ERICH1: variants seen among roughly 807,000 people sequenced by gnomAD.
The protein encoded by ERICH1 is glutamate rich 1.
ERICH1 carries 56 observed loss-of-function variants against 39.6 expected under a neutral mutation model. That is an observed-to-expected ratio of 1.41 (90% CI 1.14 to 1.77). The LOEUF is 1.77. Ranked by LOEUF, ERICH1 falls within the 40% of genes most tolerant of loss-of-function variation. ERICH1 has a pLI of 0.00. For missense variants in ERICH1, 826 were observed against 575.4 expected, an observed-to-expected ratio of 1.44 and a Z score of -4.45; for synonymous variants, 313 against 223.6, an observed-to-expected ratio of 1.40 and a Z score of -3.57.
chr8:693,649 C>T (rs923501038), intron 2 of ERICH1, among the ~76,000 whole-genome samples: 1 of 150,056 alleles, frequency 6.7e-6, no homozygotes, highest in Non-Finnish European at 1.5e-5. Flanking sequence ...GTCACCACCA[C>T]CGTGGACGGT....
At chr8:657,314 T>C (rs1800784533) in intron 3 of ERICH1, among the ~76,000 whole-genome samples, 1 of 152,120 alleles carries the variant, frequency 6.6e-6, no homozygotes, top group Non-Finnish European at 1.5e-5. Flanking sequence ...GGGAGCTTAT[T>C]GCAGGCTAGG....
At chr8:670,511 C>T (rs948715981) in intron 4 of ERICH1, among the ~76,000 whole-genome samples, 1 of 152,204 alleles carries the variant, frequency 6.6e-6, no homozygotes, top group African/African-American at 2.4e-5. Context: ...CGTGCAGGGA[C>T]TGAGCTGACT....
At chr8:679,897 G>A (rs201631685) in intron 3 of ERICH1, among the ~76,000 whole-genome samples, 18,498 of 49,732 alleles carry the variant, frequency 0.37, 2,120 homozygotes, top group East Asian at 0.56. Flanking sequence ...GAACACAGAA[G>A]ATGCAAGAGA....
At chr8:672,468 C>T (rs887143087) in intron 4 of ERICH1, among the ~76,000 whole-genome samples, 2 of 152,200 alleles carry the variant, frequency 1.3e-5, no homozygotes, top group African/African-American at 4.8e-5. Flanking sequence ...TGATATTTCT[C>T]AATCTTGCTC....
intron 1 of ERICH1, among the ~76,000 whole-genome samples, chr8:719,626 C>G (rs1028604388): frequency 6.6e-6 from 1 of 152,236 alleles, no homozygotes; most frequent in African/African-American, 2.4e-5. Context: ...ATTCTGGCAT[C>G]CGCTGGTGGG....
chr8:615,034 A>T (rs1421900371), exon 4 of ERICH1: 3 of 459,544 alleles, frequency 6.5e-6, no homozygotes, highest in Non-Finnish European at 1.1e-5. Flanking sequence ...CTTGGAGCAG[A>T]CGTGGCTACG....
chr8:706,354 AAAAC>A (rs1813271028), intron 2 of ERICH1, among the ~76,000 whole-genome samples: 1 of 152,234 alleles, frequency 6.6e-6, no homozygotes, highest in African/African-American at 2.4e-5. Flanking sequence ...TTCCCAAAAG[AAAAC>A]AAACAAAAAA....
rs7001007 is a variant in ERICH1, at chr8:664,389, T to C, written c.*214A>G. 3,958 of 1,212,906 alleles carry C rather than the reference T, an allele frequency of 3.3e-3. 107 individuals carry two copies. The African/African-American group carries it at 0.051, about 16-fold the overall frequency. 75.1% of individuals were successfully genotyped at this position (1,212,906 alleles called of 1,614,324 possible). ...AAGTTTTATGTAGTAATTCAAGATA[T>C]ATATAATTGCAAATAAGTGAAAAAT... is the stretch of plus-strand genomic sequence containing the variant. On this transcript the variant is annotated 3_prime_UTR_variant, in exon 6 of 6. Transcript: ENST00000262109.
In ERICH1 at chr8:723,150, C is replaced by G. The variant is rs569192954; in HGVS notation, c.23-7143G>C. ...ACCTCCACCTTCTCCCGCTCTCCCTCCCTCACCATAGGACGCTGGCTCCCC... is the reference window on the plus strand; with the variant it reads ...ACCTCCACCTTCTCCCGCTCTCCCTGCCTCACCATAGGACGCTGGCTCCCC... On this transcript the variant is annotated intron_variant, in intron 1 of 5. Transcript: ENST00000262109. Among the ~76,000 whole-genome samples, 4 of 152,356 alleles carry G rather than the reference C, an allele frequency of 2.6e-5. No homozygotes were observed. The East Asian group carries it at 7.7e-4, about 29-fold the overall frequency.
chr8:669,062 CCTCCCCTGGCCCGTCTACACCT>C (rs1802760085), intron 4 of ERICH1: 1 of 450,442 alleles, frequency 2.2e-6, no homozygotes, highest in African/African-American at 2.0e-5. Context: ...TGGTGAGACG[CCTCCCCTGGCCCGTCTACACCT>C]CTGTCTGGTG....
At chr8:721,204 T>C (rs116078159) in intron 1 of ERICH1, among the ~76,000 whole-genome samples, 3,532 of 152,318 alleles carry the variant, frequency 0.023, 155 homozygotes, top group African/African-American at 0.081. Flanking sequence ...TGCTGACAAA[T>C]AATATGTCTA....
At chr8:715,839 C>T in intron 2 of ERICH1, 22 bp downstream of exon 2, 2 of 1,596,872 alleles carry the variant, frequency 1.3e-6, no homozygotes, top group Non-Finnish European at 1.7e-6. Context: ...TGAGACCCAC[C>T]CACATCTGCA....
chr8:709,292 C>A (rs207468894), intron 2 of ERICH1, among the ~76,000 whole-genome samples: 2 of 152,158 alleles, frequency 1.3e-5, no homozygotes, highest in African/African-American at 4.8e-5. Flanking sequence ...CTTGACAGAC[C>A]AGAGTCTGAA....
chr8:658,912 C>A (rs976128290), intron 3 of ERICH1, among the ~76,000 whole-genome samples: 2 of 152,222 alleles, frequency 1.3e-5, no homozygotes, highest in African/African-American at 2.4e-5. Context: ...ACTTGCTCTG[C>A]GACCCAGGGG....
intron 5 of ERICH1, 119 bp downstream of exon 5, chr8:668,479 A>G (rs113194599): frequency 3.2e-6 from 3 of 947,252 alleles, no homozygotes; most frequent in Non-Finnish European, 5.0e-6. Flanking sequence ...CTCCCATGCC[A>G]TATGTGCAGT....
At chr8:722,501 T>C (rs763791366) in intron 1 of ERICH1, among the ~76,000 whole-genome samples, 4 of 152,204 alleles carry the variant, frequency 2.6e-5, no homozygotes, top group Non-Finnish European at 5.9e-5. Context: ...AAGTGTTCTA[T>C]GGAAATTACA....
chr8:728,155 TCAGGGAGA>T (rs1819220217), intron 1 of ERICH1, among the ~76,000 whole-genome samples: 1 of 151,904 alleles, frequency 6.6e-6, no homozygotes, highest in Admixed American at 6.6e-5. Context: ...ACACATGGAG[TCAGGGAGA>T]GGGCCAGAGC....
chr8:644,991 C>G (rs991991747), intron 3 of ERICH1, among the ~76,000 whole-genome samples: 1 of 69,142 alleles, frequency 1.4e-5, no homozygotes, highest in African/African-American at 3.6e-5. Flanking sequence ...AGATCCTTCT[C>G]CTCCCACGGG....
chr8:712,929 G>C (rs777461168), intron 2 of ERICH1, among the ~76,000 whole-genome samples: 5 of 152,220 alleles, frequency 3.3e-5, no homozygotes, highest in Non-Finnish European at 7.3e-5. Flanking sequence ...AATGGACAGT[G>C]CATTAGCTTT....
Sources: gnomAD v4.1 joint callset for allele counts (sites outside exome capture counted in the v4.1 genomes callset) on GRCh38, gnomAD v4.1.1 for gene constraint, MANE v1.5 for transcripts, NCBI Gene and HGNC (gene_info 2026-07-23, HGNC 2026-07-21) for gene names.